The following ELOVL5 variants were observed in gnomAD, a reference collection of about 807,000 sequenced individuals.
ELOVL5 encodes the protein very long chain fatty acid elongase 5.
A neutral mutation model predicts 38.6 loss-of-function variants in ELOVL5; 8 were observed. That is an observed-to-expected ratio of 0.21 (90% confidence interval 0.12 to 0.37). The LOEUF is 0.37. Among genes scored for constraint, ELOVL5 ranks in the 10% least tolerant of loss-of-function variants. ELOVL5 has a pLI of 1.00. For synonymous variants in ELOVL5, 127 were observed against 133.7 expected, an observed-to-expected ratio of 0.95 and a Z score of 0.34; for missense variants, 280 against 367.8, an observed-to-expected ratio of 0.76 and a Z score of 1.95.
intron 3 of ELOVL5, among the ~76,000 whole-genome samples, chr6:53,284,873 G>A (rs1017591513): frequency 1.3e-5 from 2 of 152,074 alleles, no homozygotes; most frequent in African/African-American, 2.4e-5. Context: ...TAATTGTTTT[G>A]AGGTGCCATG....
At chr6:53,311,092 A>G (rs1248777557) in intron 1 of ELOVL5, among the ~76,000 whole-genome samples, 1 of 152,166 alleles carries the variant, frequency 6.6e-6, no homozygotes, top group Non-Finnish European at 1.5e-5. Flanking sequence ...CTCTTCACAG[A>G]ACTTCACATC....
chr6:53,327,973 C>T (rs1768625025), intron 1 of ELOVL5, among the ~76,000 whole-genome samples: 2 of 152,076 alleles, frequency 1.3e-5, no homozygotes, highest in Admixed American at 6.5e-5. Flanking sequence ...TAAAAGTCAG[C>T]CAATTATCAA....
intron 7 of ELOVL5, 22 bp downstream of exon 7, chr6:53,270,571 C>G: frequency 6.2e-7 from 1 of 1,613,132 alleles, no homozygotes; most frequent in East Asian, 2.2e-5. Context: ...GATTCCAAGT[C>G]CCAGAGAAGG....
chr6:53,333,726 T>C (rs955940688), intron 1 of ELOVL5, among the ~76,000 whole-genome samples: 2 of 152,230 alleles, frequency 1.3e-5, no homozygotes, highest in African/African-American at 4.8e-5. Flanking sequence ...AGAATAAAAG[T>C]AATGATAATT....
chr6:53,338,970 A>G (rs768844924), intron 1 of ELOVL5, among the ~76,000 whole-genome samples: 2 of 152,248 alleles, frequency 1.3e-5, no homozygotes, highest in Non-Finnish European at 2.9e-5. Context: ...AAATGTCTTA[A>G]AAGATTTTAA....
intron 1 of ELOVL5, among the ~76,000 whole-genome samples, chr6:53,305,658 G>A (rs1256444782): frequency 2.0e-5 from 3 of 151,676 alleles, no homozygotes; most frequent in Non-Finnish European, 1.5e-5. Context: ...CGGCCGGGAA[G>A]AGGCGCTCCT....
chr6:53,271,719 G>A (rs968785659), intron 6 of ELOVL5, among the ~76,000 whole-genome samples: 1 of 152,130 alleles, frequency 6.6e-6, no homozygotes, highest in African/African-American at 2.4e-5. Flanking sequence ...TCAGCCTCCC[G>A]AGTGACCGGG....
At chr6:53,271,379 G>T (rs1765915541) in intron 6 of ELOVL5, among the ~76,000 whole-genome samples, 1 of 152,120 alleles carries the variant, frequency 6.6e-6, no homozygotes, top group Admixed American at 6.5e-5. Context: ...GTGAAACCCT[G>T]TCTCTACTAA....
rs749065998 is a variant in ELOVL5 at position 53,291,785 on chromosome 6, C to T, written c.237G>A (p.Met79Ile). ...TTAACCTTTGACTTACCTCACAGAACATATACAGAGACAGCAGTGTGAGTC... is the reference window on the plus strand; with the variant it reads ...TTAACCTTTGACTTACCTCACAGAATATATACAGAGACAGCAGTGTGAGTC... Reference protein sequence around the residue: ...NLGLTLLSLYMFCELVTGVWE... With the variant: ...NLGLTLLSLYIFCELVTGVWE... Residue 79 changes from methionine to isoleucine, a missense_variant, in exon 3 of 8, where the codon ATG becomes ATA. Coordinates refer to ENST00000304434, the MANE Select transcript of ELOVL5 (RefSeq NM_021814.5). 1.2e-6 allele frequency: 2 copies of T among 1,611,292 alleles called. No individual in the cohort carries two copies. Among genetic ancestry groups the T allele is most frequent in the African/African-American group, 1.3e-5 (1 of 74,804 alleles).
rs578230872 is a variant in ELOVL5 at position 53,343,792 on chromosome 6, C to A, written c.-9+5025G>T. On this transcript the variant is annotated intron_variant, in intron 1 of 7. Transcript: ENST00000304434. The stretch of plus-strand genomic sequence containing the variant: ...AATTACTTCAGTTTTAATAAACACA[C>A]AAACATGTATGTACTTTACTATAAA... Among the ~76,000 whole-genome samples, 5 of 152,282 alleles carry A rather than the reference C, an allele frequency of 3.3e-5. No individual in the cohort carries two copies. In the East Asian group the frequency reaches 7.7e-4, roughly 24 times the overall value.
intron 1 of ELOVL5, among the ~76,000 whole-genome samples, chr6:53,335,135 T>C (rs920283082): frequency 4.6e-5 from 7 of 152,220 alleles, no homozygotes; most frequent in Non-Finnish European, 8.8e-5. Context: ...AAAGCCACTA[T>C]GTAGCTGAAG....
At chr6:53,274,438 T>G (rs1173391241) in intron 5 of ELOVL5, among the ~76,000 whole-genome samples, 8 of 152,076 alleles carry the variant, frequency 5.3e-5, no homozygotes, top group Non-Finnish European at 1.0e-4. Context: ...GACCCATAGG[T>G]TCTCAGTTAA....
intron 1 of ELOVL5, among the ~76,000 whole-genome samples, chr6:53,305,931 C>T (rs1353625492): frequency 6.6e-6 from 1 of 152,010 alleles, no homozygotes; most frequent in African/African-American, 2.4e-5. Context: ...ACTGAGTTAA[C>T]GAGACTCCGT....
chr6:53,323,969 G>C (rs1235460362), intron 1 of ELOVL5, among the ~76,000 whole-genome samples: 1 of 152,106 alleles, frequency 6.6e-6, no homozygotes, highest in Non-Finnish European at 1.5e-5. Flanking sequence ...AATCAGTTAT[G>C]GGTCGGGTGC....
chr6:53,328,657 A>C (rs1768653391), intron 1 of ELOVL5, among the ~76,000 whole-genome samples: 3 of 152,256 alleles, frequency 2.0e-5, no homozygotes, highest in Admixed American at 2.0e-4. Flanking sequence ...TCTATCCAAG[A>C]GACAGGAACA....
At chr6:53,324,185 G>A (rs559112421) in intron 1 of ELOVL5, among the ~76,000 whole-genome samples, 10 of 150,664 alleles carry the variant, frequency 6.6e-5, no homozygotes, top group African/African-American at 1.2e-4. Context: ...CTTGGAAGGC[G>A]GAGGTTGCAG....
intron 1 of ELOVL5, among the ~76,000 whole-genome samples, chr6:53,300,909 G>A (rs1427893499): frequency 1.3e-5 from 2 of 152,190 alleles, no homozygotes; most frequent in East Asian, 3.8e-4. Context: ...CCTCCTGCCA[G>A]CAACGTGCCC....
intron 2 of ELOVL5, chr6:53,294,030 A>T: frequency 2.7e-6 from 3 of 1,118,974 alleles, no homozygotes; most frequent in Admixed American, 7.4e-5. Flanking sequence ...CTAACATCAG[A>T]CTGTTATTTT....
intron 3 of ELOVL5, among the ~76,000 whole-genome samples, chr6:53,278,952 C>T (rs1478969188): frequency 6.6e-6 from 1 of 152,190 alleles, no homozygotes; most frequent in Non-Finnish European, 1.5e-5. Flanking sequence ...CCAAGCTTAT[C>T]TTTCACTTCT....
Sources: gnomAD v4.1 joint callset for allele counts (sites outside exome capture counted in the v4.1 genomes callset) on GRCh38, gnomAD v4.1.1 for gene constraint, MANE v1.5 for transcripts, NCBI Gene and HGNC (gene_info 2026-07-23, HGNC 2026-07-21) for gene names.